SPG11: variants seen among roughly 807,000 people sequenced by gnomAD.
SPG11 encodes the protein spatacsin.
A neutral mutation model predicts 274.0 loss-of-function variants in SPG11; 222 were observed. That is an observed-to-expected ratio of 0.81 (90% CI 0.73 to 0.91). The LOEUF is 0.91. Ranked by LOEUF, SPG11 falls within the 40% of genes least tolerant of loss-of-function variation. The pLI is 0.00. For synonymous variants in SPG11, 1,144 were observed against 1,039.7 expected (o/e 1.10, Z -1.93); for missense variants, 3,114 against 2,872.7 (o/e 1.08, Z -1.92).
At chr15:44,622,392 G>A (rs1172091287) in intron 12 of SPG11, 45 bp from the exon 13 acceptor site, 1 of 1,459,550 alleles carries the variant, frequency 6.9e-7, no homozygotes, top group Non-Finnish European at 9.4e-7. Context: ...AAAAAATCAA[G>A]CACTTTTGCA....
chr15:44,590,749 G>C (rs1054882504), intron 27 of SPG11: 1 of 152,042 alleles, frequency 6.6e-6, no homozygotes. Context: ...CTTAACTGCC[G>C]GGTTTCAAAA....
At chr15:44,602,715 C>T (rs2140987380) in intron 20 of SPG11, among the ~76,000 whole-genome samples, 1 of 152,078 alleles carries the variant, frequency 6.6e-6, no homozygotes, top group South Asian at 2.1e-4. Flanking sequence ...ATCTCCTGAC[C>T]TCGTGATCTA....
Position 44,657,147 on chromosome 15 carries a change from T to C in SPG11, c.817A>G (p.Ile273Val), listed in dbSNP as rs762589710. Reference protein sequence around the residue: ...KVSQDLDVAVIVSSSNSAVAL... With the variant: ...KVSQDLDVAVVVSSSNSAVAL... The stretch of plus-strand genomic sequence containing the variant: ...ACTGCGGAGTTGGAGGAGCTGACAA[T>C]CACTGCAACATCGAGGTCTTGAGAA... The change falls in exon 4 of 40, where the codon ATT (isoleucine) becomes GTT (valine). Residue 273 changes from isoleucine (I) to valine (V), a missense_variant. Coordinates refer to ENST00000261866, the MANE Select transcript of SPG11 (RefSeq NM_025137.4). 1.9e-6 allele frequency: 3 copies of C among 1,614,066 alleles called. No individual in the cohort carries two copies. The highest frequency in any genetic ancestry group is 1.7e-6 in the Non-Finnish European group (2 of 1,180,032).
chr15:44,573,454 A>C (rs2082466916), intron 32 of SPG11, 93 bp downstream of exon 32: 2 of 1,335,534 alleles, frequency 1.5e-6, no homozygotes, highest in Non-Finnish European at 2.1e-6. Context: ...AGAACCACAT[A>C]CAGGATGTAT....
chr15:44,565,861 A>C lies in SPG11; in HGVS notation c.6992T>G (p.Phe2331Cys). 1 of 1,614,122 alleles carries C rather than the reference A, an allele frequency of 6.2e-7. No individual in the cohort carries two copies. The highest frequency in any genetic ancestry group is 1.1e-5 in the South Asian group (1 of 91,054). ...GTTTGCTTTCTTGCTCACCTGGTAG[A>C]ACCGAGGTAGGGCCAGAATACAGTC... The part of the protein sequence containing the change: ...LMDCILALPR[F>C]YQASIVAEAY... The change falls in exon 38 of 40, where the codon TTC becomes TGC. Residue 2331 changes from phenylalanine to cysteine, a missense_variant. Coordinates refer to ENST00000261866, the MANE Select transcript of SPG11 (RefSeq NM_025137.4).
chr15:44,648,471 C>T (rs1241489875), intron 7 of SPG11, among the ~76,000 whole-genome samples: 3 of 149,758 alleles, frequency 2.0e-5, no homozygotes, highest in Non-Finnish European at 4.4e-5. Context: ...TGAGATTGCA[C>T]CACTGCACTC....
chr15:44,606,655 CA>C (rs1438430346), intron 19 of SPG11, among the ~76,000 whole-genome samples: 2 of 151,950 alleles, frequency 1.3e-5, no homozygotes, highest in Non-Finnish European at 2.9e-5. Flanking sequence ...AAATGTTTAG[CA>C]AAGTCTATAA....
At position 44,572,739 on chromosome 15, in the gene SPG11, A is replaced by C; in HGVS notation, c.6287T>G (p.Val2096Gly). 6.2e-7 allele frequency: 1 copy of C among 1,614,100 alleles called. No individual in the cohort carries two copies. Among genetic ancestry groups the C allele is most frequent in the Non-Finnish European group, 8.5e-7 (1 of 1,180,006 alleles). The change falls in exon 33 of 40, where the codon GTA becomes GGA. Residue 2096 changes from valine to glycine, a missense_variant. Val to Gly is a moderately radical substitution (Grantham distance 109, BLOSUM62 -3). Transcript: ENST00000261866. ...AATCTTATCCAACAACTTCATGCCT[A>C]CCAATGTGCGGTCTTGACACAGAGT... ...LTTLCQDRTL[V>G]GMKLLDKISS...
chr15:44,573,915 T>C (rs2082480349), intron 31 of SPG11, 170 bp from the exon 32 acceptor site: 1 of 653,448 alleles, frequency 1.5e-6, no homozygotes, highest in African/African-American at 1.8e-5. Flanking sequence ...ACCCTTTCTA[T>C]CATTTCACCA....
At chr15:44,575,955 C>T (rs1344796609) in intron 30 of SPG11, among the ~76,000 whole-genome samples, 2 of 151,226 alleles carry the variant, frequency 1.3e-5, no homozygotes, top group African/African-American at 4.9e-5. Context: ...CCAGCCTGAC[C>T]AACATGGAGA....
At chr15:44,609,075 G>A (rs1362677990) in intron 18 of SPG11, among the ~76,000 whole-genome samples, 1 of 152,136 alleles carries the variant, frequency 6.6e-6, no homozygotes, top group Non-Finnish European at 1.5e-5. Context: ...ATCTAAAAAA[G>A]GTGGTACTAA....
chr15:44,658,547 C>A (rs939413930), intron 3 of SPG11, among the ~76,000 whole-genome samples: 1 of 151,960 alleles, frequency 6.6e-6, no homozygotes, highest in Admixed American at 6.6e-5. Flanking sequence ...CAACCTCCAC[C>A]TCCCAGGTTC....
rs1393683770 is a variant in SPG11 at position 44,651,632 on chromosome 15, A to G, written c.1315T>C (p.Phe439Leu). Reference sequence around the variant, plus strand: ...CCCATCCTTTCCACTTCCCAAGTAAACAGTGCAGTGAATCCTGTCACAGAC... The same window carrying G: ...CCCATCCTTTCCACTTCCCAAGTAAGCAGTGCAGTGAATCCTGTCACAGAC... ...CVSVTGFTAL[F>L]TWEVERMGYT... Residue 439 changes from phenylalanine (F) to leucine (L), a missense_variant, in exon 6 of 40, where the codon TTT (phenylalanine) becomes CTT (leucine). Phe to Leu is a conservative substitution (Grantham distance 22). Coordinates refer to ENST00000261866, the MANE Select transcript of SPG11 (RefSeq NM_025137.4). 3 of 1,614,228 alleles carry G rather than the reference A, an allele frequency of 1.9e-6. No homozygotes were observed. Among genetic ancestry groups the G allele is most frequent in the Non-Finnish European group, 2.5e-6 (3 of 1,180,040 alleles).
chr15:44,585,756 C>A lies in SPG11; in HGVS notation c.5001G>T (p.Glu1667Asp), dbSNP rs1595845664. The change falls in exon 29 of 40, where the codon GAG (glutamate) becomes GAT (aspartate). Residue 1667 changes from glutamate (E) to aspartate (D), a missense_variant. Glu to Asp is a conservative substitution (Grantham distance 45, BLOSUM62 2). Transcript: ENST00000261866. Reference sequence around the variant, plus strand: ...TAGATCTACATTCATGCTGAAGATTCTCAATGCTGTAGCTGGTAATAATTG... The same window carrying A: ...TAGATCTACATTCATGCTGAAGATTATCAATGCTGTAGCTGGTAATAATTG... ...NHTIITSYSI[E>D]NLQHECRSIL... is the part of the protein sequence containing the mutation. 1.2e-5 allele frequency: 19 copies of A among 1,614,046 alleles called. No homozygotes were observed. The highest frequency in any genetic ancestry group is 1.6e-5 in the Non-Finnish European group (19 of 1,179,998).
chr15:44,658,070 C>T lies in SPG11; in HGVS notation c.668-774G>A, dbSNP rs528477398. Reference sequence around the variant, plus strand: ...ATTACACAAAATTAAAAATTCGGTTCCCAAGTTATGCTAGCCAATTTCATA... The same window carrying T: ...ATTACACAAAATTAAAAATTCGGTTTCCAAGTTATGCTAGCCAATTTCATA... On this transcript the variant is annotated intron_variant, in intron 3 of 39. Coordinates refer to ENST00000261866, the MANE Select transcript of SPG11 (RefSeq NM_025137.4). Among the ~76,000 whole-genome samples the T allele has an allele frequency of 2.0e-5, 3 of 152,290 alleles. 1 individual carries two copies. In the East Asian group the frequency reaches 5.8e-4, roughly 29 times the overall value.
At chr15:44,598,183 A>C in intron 23 of SPG11, 82 bp downstream of exon 23, 1 of 941,122 alleles carries the variant, frequency 1.1e-6, no homozygotes, top group Non-Finnish European at 1.7e-6. Context: ...AAAACACCAG[A>C]GTTGTTCAAA....
chr15:44,585,311 T>C (rs962374348), intron 29 of SPG11, among the ~76,000 whole-genome samples: 2 of 151,166 alleles, frequency 1.3e-5, no homozygotes, highest in Non-Finnish European at 1.5e-5. Flanking sequence ...CCAATGAGGC[T>C]GGGCGTGGTG....
chr15:44,654,241 G>A (rs1287976451), intron 4 of SPG11, among the ~76,000 whole-genome samples: 1 of 151,946 alleles, frequency 6.6e-6, no homozygotes, highest in Non-Finnish European at 1.5e-5. Flanking sequence ...TGGGCACAGT[G>A]GCTCATGTCT....
chr15:44,644,500 G>C (rs2084549644), intron 7 of SPG11, among the ~76,000 whole-genome samples: 1 of 152,078 alleles, frequency 6.6e-6, no homozygotes, highest in African/African-American at 2.4e-5. Flanking sequence ...AGCACTCTCT[G>C]TGAGAACCAT....
Sources: allele counts gnomAD v4.1 joint callset (sites outside exome capture counted in the v4.1 genomes callset), GRCh38; gene constraint gnomAD v4.1.1; transcripts MANE v1.5; gene names NCBI Gene and HGNC (gene_info 2026-07-23, HGNC 2026-07-21).